The following BCAR3 variants were observed in gnomAD, a reference collection of about 807,000 sequenced individuals.
The protein encoded by BCAR3 is breast cancer anti-estrogen resistance protein 3.
A neutral mutation model predicts 80.1 loss-of-function variants in BCAR3; 37 were observed. That is an observed-to-expected ratio of 0.46 (90% confidence interval 0.36 to 0.61). The LOEUF (loss-of-function observed/expected upper bound fraction) is 0.61, where lower values mean the gene tolerates loss of function less well. Ranked by LOEUF, BCAR3 falls within the 20% of genes least tolerant of loss-of-function variation. The pLI is 0.00. For synonymous variants in BCAR3, 389 were observed against 418.9 expected (o/e 0.93, Z 0.87); for missense variants, 978 against 1,068.2 (o/e 0.92, Z 1.18).
chr1:93,723,152 G>C (rs1222056761), intron 2 of BCAR3: 1 of 152,192 alleles, frequency 6.6e-6, no homozygotes, highest in African/African-American at 2.4e-5. Flanking sequence ...TTGGCCCCAG[G>C]AATAAGGTCC....
At position 93,674,649 on chromosome 1, in the gene BCAR3, T is replaced by C. The variant is rs1003210385; in HGVS notation, c.282A>G (p.Pro94=). ...AGGTTTCGCCGTGCCGGTCCTGCCA[T>C]GGGCTCTCCTGGATGCCATCCTGGG... The part of the protein sequence containing the change: ...PVTQDGIQES[P]WQDRHGETFT... Residue 94 remains proline, a synonymous_variant, in exon 2 of 12, where the codon CCA becomes CCG. Transcript: ENST00000260502. The C allele has an allele frequency of 2.5e-6, 4 of 1,613,874 alleles. No individual in the cohort carries two copies. Among genetic ancestry groups the C allele is most frequent in the Admixed American group, 1.7e-5 (1 of 59,976 alleles).
At chr1:93,576,547 C>G (rs529906819) in intron 7 of BCAR3, among the ~76,000 whole-genome samples, 7 of 152,354 alleles carry the variant, frequency 4.6e-5, no homozygotes, top group Admixed American at 4.6e-4. Flanking sequence ...CATCCAAGAG[C>G]CTCTCCGCTG....
chr1:93,770,378 A>G (rs79978966), intron 2 of BCAR3, among the ~76,000 whole-genome samples: 2,348 of 152,158 alleles, frequency 0.015, 55 homozygotes, highest in African/African-American at 0.053. Context: ...GGCCTCAGAA[A>G]AACTTGAATG....
rs1159584413 is a variant in BCAR3, at chr1:93,824,938, G to A, written c.-63+20629C>T. Reference sequence around the variant, plus strand: ...TCCAAGCCATCCCAAGAAAGAGTCTGTGAAAGAGGCAGCTTTGTTGGGCTT... The same window carrying A: ...TCCAAGCCATCCCAAGAAAGAGTCTATGAAAGAGGCAGCTTTGTTGGGCTT... On this transcript the variant is annotated intron_variant, in intron 2 of 13. Transcript: ENST00000370244. Among the ~76,000 whole-genome samples, 7 of 133,858 alleles carry A rather than the reference G, an allele frequency of 5.2e-5. 1 individual carries two copies. The highest frequency in any genetic ancestry group is 1.8e-4 in the African/African-American group (7 of 39,744). The allele number at this position is 133,858 out of a possible 152,430, so 87.8% of individuals were successfully genotyped here. A position where few individuals can be genotyped will look rare whatever the true frequency, so the allele number is the denominator to read the frequency against.
upstream of BCAR3, among the ~76,000 whole-genome samples, chr1:93,685,358 T>TGG (rs936119012): frequency 2.0e-5 from 3 of 151,868 alleles, no homozygotes; most frequent in African/African-American, 4.8e-5. Flanking sequence ...TTTCTATGTG[T>TGG]GTGTGTGTGT....
At chr1:93,636,981 G>C (rs1675801137) in intron 3 of BCAR3, among the ~76,000 whole-genome samples, 1 of 152,072 alleles carries the variant, frequency 6.6e-6, no homozygotes, top group Admixed American at 6.6e-5. Flanking sequence ...TGTGGTCCCA[G>C]TTACCTGAGG....
At chr1:93,689,676 C>T (rs187636413) in intron 3 of BCAR3, among the ~76,000 whole-genome samples, 25 of 152,136 alleles carry the variant, frequency 1.6e-4, no homozygotes, top group African/African-American at 5.1e-4. Context: ...AACCTAGTGG[C>T]GATGGCCACC....
At chr1:93,821,463 C>T (rs556849886) in intron 2 of BCAR3, among the ~76,000 whole-genome samples, 7 of 152,310 alleles carry the variant, frequency 4.6e-5, no homozygotes, top group East Asian at 1.9e-4. Flanking sequence ...AAAATGTCCA[C>T]GGTACACATC....
intron 2 of BCAR3, among the ~76,000 whole-genome samples, chr1:93,761,063 T>A (rs1164325587): frequency 6.6e-6 from 1 of 152,138 alleles, no homozygotes; most frequent in Non-Finnish European, 1.5e-5. Flanking sequence ...GGTTTTATGC[T>A]GGGGCCATTA....
At chr1:93,727,465 C>T (rs1282006558) in intron 2 of BCAR3, among the ~76,000 whole-genome samples, 3 of 152,296 alleles carry the variant, frequency 2.0e-5, no homozygotes, top group East Asian at 3.9e-4. Context: ...CTTGTAAGCT[C>T]GGCAATGTAT....
intron 2 of BCAR3, among the ~76,000 whole-genome samples, chr1:93,772,355 A>G (rs577181917): frequency 3.5e-4 from 54 of 152,196 alleles, no homozygotes; most frequent in African/African-American, 1.2e-3. Context: ...CAGGCCTCTA[A>G]CCTCCTAGCT....
At chr1:93,715,413 GC>G (rs1349801088) in intron 2 of BCAR3, among the ~76,000 whole-genome samples, 4 of 152,150 alleles carry the variant, frequency 2.6e-5, no homozygotes, top group Admixed American at 6.5e-5. Flanking sequence ...TTTGCAGTAG[GC>G]AGGACCATTT....
chr1:93,621,689 G>A (rs1176412995), intron 3 of BCAR3, among the ~76,000 whole-genome samples: 1 of 152,150 alleles, frequency 6.6e-6, no homozygotes, highest in Non-Finnish European at 1.5e-5. Context: ...GTGGGTGGAT[G>A]GACCTTGTTT....
At chr1:93,807,534 T>C (rs1653696455) in intron 2 of BCAR3, among the ~76,000 whole-genome samples, 1 of 152,180 alleles carries the variant, frequency 6.6e-6, no homozygotes, top group Non-Finnish European at 1.5e-5. Flanking sequence ...GGAACTTCAC[T>C]GTGAACAAAA....
At chr1:93,636,367 A>G (rs1359865708) in intron 3 of BCAR3, among the ~76,000 whole-genome samples, 1 of 152,236 alleles carries the variant, frequency 6.6e-6, no homozygotes, top group Non-Finnish European at 1.5e-5. Flanking sequence ...AGAACCCACC[A>G]AGGCTGACTA....
intron 2 of BCAR3, among the ~76,000 whole-genome samples, chr1:93,774,252 G>A (rs775658271): frequency 6.6e-6 from 1 of 152,074 alleles, no homozygotes; most frequent in Non-Finnish European, 1.5e-5. Context: ...TTGGGAGGCC[G>A]AGGTGGGTGG....
chr1:93,787,415 G>C (rs1333508116), intron 2 of BCAR3, among the ~76,000 whole-genome samples: 1 of 152,258 alleles, frequency 6.6e-6, no homozygotes, highest in African/African-American at 2.4e-5. Context: ...TTGTCTATTT[G>C]TGCCCTTTCA....
chr1:93,774,907 A>G (rs138422436), intron 2 of BCAR3, among the ~76,000 whole-genome samples: 104 of 152,326 alleles, frequency 6.8e-4, no homozygotes, highest in African/African-American at 2.5e-3. Flanking sequence ...CCCACACAGC[A>G]GGAAAGAAAA....
chr1:93,817,856 TCTC>T (rs1481675091), intron 2 of BCAR3, among the ~76,000 whole-genome samples: 2 of 151,896 alleles, frequency 1.3e-5, no homozygotes, highest in African/African-American at 4.8e-5. Context: ...GCCAAGGGGC[TCTC>T]CTCCTCCCTG....
Sources: gnomAD v4.1 joint callset for allele counts (sites outside exome capture counted in the v4.1 genomes callset) on GRCh38, gnomAD v4.1.1 for gene constraint, MANE v1.5 for transcripts, NCBI Gene and HGNC (gene_info 2026-07-23, HGNC 2026-07-21) for gene names.